The following CCDC171 variants were observed in gnomAD, a reference collection of about 807,000 sequenced individuals.
CCDC171 encodes coiled-coil domain containing 171.
In CCDC171, 177 loss-of-function variants were observed where a neutral mutation model predicts 168.2. The observed-to-expected ratio is 1.05, with a 90% CI of 0.93 to 1.19. The LOEUF (loss-of-function observed/expected upper bound fraction) is 1.19. CCDC171 is among the 50% of genes most tolerant of loss of function. CCDC171 has a pLI of 0.00. For synonymous variants in CCDC171, 687 were observed against 540.8 expected (o/e 1.27, Z -3.75); for missense variants, 1,991 against 1,539.0 (o/e 1.29, Z -4.91).
intron 7 of CCDC171, among the ~76,000 whole-genome samples, chr9:15,631,326 A>T (rs988204023): frequency 1.6e-4 from 25 of 152,160 alleles, no homozygotes; most frequent in Non-Finnish European, 2.8e-4. Flanking sequence ...GCAAGAAAAA[A>T]TGATAAAGGG....
intron 6 of CCDC171, among the ~76,000 whole-genome samples, chr9:16,030,703 T>C (rs1318801921): frequency 6.6e-6 from 1 of 152,178 alleles, no homozygotes; most frequent in Non-Finnish European, 1.5e-5. Flanking sequence ...GACCACAGAA[T>C]GCAGAGGACC....
intron 11 of CCDC171, among the ~76,000 whole-genome samples, chr9:15,714,162 T>C (rs1441978693): frequency 6.6e-6 from 1 of 152,190 alleles, no homozygotes. Flanking sequence ...GTGGTAGGAA[T>C]CACCATGCCT....
chr9:16,001,472 G>A (rs1209704976), intron 3 of CCDC171, among the ~76,000 whole-genome samples: 1 of 151,918 alleles, frequency 6.6e-6, no homozygotes, highest in African/African-American at 2.4e-5. Context: ...TGTGTGTGTG[G>A]GCGGGGGTAG....
At chr9:15,558,747 A>G (rs565908088) in intron 1 of CCDC171, among the ~76,000 whole-genome samples, 400 of 151,826 alleles carry the variant, frequency 2.6e-3, no homozygotes, top group African/African-American at 8.9e-3. Flanking sequence ...TTCTGCTCTG[A>G]TCTTAGTTAT....
intron 9 of CCDC171, among the ~76,000 whole-genome samples, chr9:15,667,429 T>C (rs1170562331): frequency 6.6e-6 from 1 of 152,160 alleles, no homozygotes; most frequent in Non-Finnish European, 1.5e-5. Context: ...GTAGATCACC[T>C]GAGTTCAGGA....
At chr9:15,986,413 A>G (rs1589298214) in intron 3 of CCDC171, among the ~76,000 whole-genome samples, 1 of 152,334 alleles carries the variant, frequency 6.6e-6, no homozygotes, top group South Asian at 2.1e-4. Flanking sequence ...GCCATAAGAC[A>G]CTTAAAGTTC....
chr9:15,709,889 G>A (rs2052529422), intron 11 of CCDC171, among the ~76,000 whole-genome samples: 2 of 152,150 alleles, frequency 1.3e-5, no homozygotes, highest in Middle Eastern at 3.4e-3. Context: ...GCAGAATAGT[G>A]TAACAAAATC....
chr9:16,105,730 G>A, the CCDC171 span, among the ~76,000 whole-genome samples: 2 of 152,096 alleles, frequency 1.3e-5, no homozygotes, highest in Non-Finnish European at 2.9e-5. Flanking sequence ...TTTTCTGTTG[G>A]CCTCTAACTT....
At chr9:16,021,646 A>T (rs892182960) in intron 4 of CCDC171, among the ~76,000 whole-genome samples, 1 of 152,228 alleles carries the variant, frequency 6.6e-6, no homozygotes, top group South Asian at 2.1e-4. Flanking sequence ...ATAAATTTGT[A>T]GTGGTTGAGG....
chr9:15,886,237 G>A (rs1819375556), intron 24 of CCDC171: 1 of 152,112 alleles, frequency 6.6e-6, no homozygotes, highest in Non-Finnish European at 1.5e-5. Flanking sequence ...TGTATATCCA[G>A]TAAGGAGTTT....
At chr9:15,783,794 T>A (rs1189855593) in intron 20 of CCDC171, among the ~76,000 whole-genome samples, 1 of 152,198 alleles carries the variant, frequency 6.6e-6, no homozygotes, top group African/African-American at 2.4e-5. Flanking sequence ...AACCATGTTG[T>A]GTGTTATGGT....
intron 3 of CCDC171, among the ~76,000 whole-genome samples, chr9:15,987,554 C>T (rs1041223596): frequency 6.6e-6 from 1 of 152,132 alleles, no homozygotes; most frequent in African/African-American, 2.4e-5. Flanking sequence ...ACAAGATTGA[C>T]TGTAGCCTTG....
At chr9:15,955,293 T>C (rs572831931) in intron 25 of CCDC171, among the ~76,000 whole-genome samples, 4 of 152,216 alleles carry the variant, frequency 2.6e-5, no homozygotes, top group African/African-American at 9.6e-5. Context: ...AAGAGAAAGA[T>C]GAAGAGGAGG....
intron 1 of CCDC171, among the ~76,000 whole-genome samples, chr9:15,560,036 C>G (rs890878029): frequency 6.6e-6 from 1 of 152,110 alleles, no homozygotes; most frequent in African/African-American, 2.4e-5. Context: ...AAATTCTTTT[C>G]TTTAAGAATG....
chr9:15,879,422 T>A, intron 24 of CCDC171, among the ~76,000 whole-genome samples: 1 of 152,196 alleles, frequency 6.6e-6, no homozygotes, highest in Non-Finnish European at 1.5e-5. Flanking sequence ...CCTCGAATGC[T>A]TTTCTTTATG....
chr9:15,564,614 G>C (rs1182629451), intron 2 of CCDC171, among the ~76,000 whole-genome samples: 1 of 152,142 alleles, frequency 6.6e-6, no homozygotes, highest in Non-Finnish European at 1.5e-5. Flanking sequence ...CCTAATTGCT[G>C]TTGCTCATCT....
chr9:15,752,052 C>T (rs929972380), intron 18 of CCDC171, among the ~76,000 whole-genome samples: 3 of 152,016 alleles, frequency 2.0e-5, no homozygotes, highest in Non-Finnish European at 2.9e-5. Flanking sequence ...AGAACTTAAA[C>T]AAATTTACAA....
chr9:16,006,998 A>C (rs1432533807), intron 3 of CCDC171, among the ~76,000 whole-genome samples: 1 of 152,184 alleles, frequency 6.6e-6, no homozygotes, highest in Non-Finnish European at 1.5e-5. Context: ...ATCCCTGAGG[A>C]ATCGCCACAC....
At chr9:15,773,365 C>T (rs544387744) in intron 18 of CCDC171, among the ~76,000 whole-genome samples, 203 of 152,268 alleles carry the variant, frequency 1.3e-3, no homozygotes, top group Non-Finnish European at 2.4e-3. Flanking sequence ...CCTTCCTTCC[C>T]CACCTCATCA....
Sources: allele counts gnomAD v4.1 joint callset (sites outside exome capture counted in the v4.1 genomes callset), GRCh38; gene constraint gnomAD v4.1.1; transcripts MANE v1.5; gene names NCBI Gene and HGNC (gene_info 2026-07-23, HGNC 2026-07-21).